PCCB: variants seen among roughly 807,000 people sequenced by gnomAD.
PCCB encodes the protein propionyl-CoA carboxylase subunit beta, also known as propionyl-CoA carboxylase beta chain, mitochondrial.
A neutral mutation model predicts 60.7 loss-of-function variants in PCCB; 43 were observed. That is an observed-to-expected ratio of 0.71 (90% CI 0.55 to 0.91). The LOEUF (loss-of-function observed/expected upper bound fraction) is 0.91, where lower values mean the gene tolerates loss of function less well. Among genes scored for constraint, PCCB ranks in the 40% least tolerant of loss-of-function variants. The pLI is 0.00. For missense variants in PCCB, 766 were observed against 702.8 expected (o/e 1.09, Z -1.02); for synonymous variants, 276 against 255.9 (o/e 1.08, Z -0.75).
At position 136,328,864 on chromosome 3, in the gene PCCB, G is replaced by T. The variant is rs1208290368; in HGVS notation, c.1498+7G>T. 1.9e-6 allele frequency: 3 copies of T among 1,604,264 alleles called. No homozygotes were observed. Among genetic ancestry groups the T allele is most frequent in the Admixed American group, 1.7e-5 (1 of 60,000 alleles). ...TTCCCTGCAGCAGTGCGAGGTAGGG[G>T]ACTGTGGTGAAGAGGGCAGCTTTGT... is the stretch of plus-strand genomic sequence containing the variant. On this transcript the variant is annotated splice_region_variant and intron_variant, in intron 14 of 14. Coordinates refer to ENST00000251654, the MANE Select transcript of PCCB (RefSeq NM_000532.5).
intron 3 of PCCB, among the ~76,000 whole-genome samples, chr3:136,257,065 A>G (rs1941689764): frequency 6.6e-6 from 1 of 152,202 alleles, no homozygotes; most frequent in Non-Finnish European, 1.5e-5. Context: ...ATCAGGGTGC[A>G]TCAAGACAGA....
chr3:136,267,555 G>C (rs1384630048), intron 5 of PCCB, among the ~76,000 whole-genome samples: 2 of 152,022 alleles, frequency 1.3e-5, no homozygotes, highest in Non-Finnish European at 2.9e-5. Context: ...TGTAATCATG[G>C]CTCACTGCAG....
intron 3 of PCCB, among the ~76,000 whole-genome samples, chr3:136,257,468 G>A (rs1191104191): frequency 3.3e-5 from 5 of 152,170 alleles, no homozygotes; most frequent in Admixed American, 6.5e-5. Flanking sequence ...AGAACTATAA[G>A]ATAATACATT....
chr3:136,265,242 C>A (rs956843705), intron 5 of PCCB, among the ~76,000 whole-genome samples: 1 of 152,092 alleles, frequency 6.6e-6, no homozygotes, highest in Admixed American at 6.6e-5. Context: ...CCATAAAATC[C>A]ACCCATTGTG....
chr3:136,300,708 A>G (rs1934236238), intron 8 of PCCB, among the ~76,000 whole-genome samples: 1 of 152,100 alleles, frequency 6.6e-6, no homozygotes, highest in Non-Finnish European at 1.5e-5. Flanking sequence ...GTTCACTATA[A>G]TGTCCTTCAG....
intron 5 of PCCB, among the ~76,000 whole-genome samples, chr3:136,269,712 T>C (rs531351612): frequency 1.3e-5 from 2 of 152,014 alleles, no homozygotes; most frequent in Admixed American, 6.6e-5. Context: ...GGTGAAACCC[T>C]GTCTTTACTA....
intron 2 of PCCB, 66 bp downstream of exon 2, chr3:136,256,041 A>G (rs1018058565): frequency 3.7e-6 from 6 of 1,610,450 alleles, no homozygotes; most frequent in Non-Finnish European, 5.1e-6. Context: ...CCACTAGAAT[A>G]ATAATAAATC....
chr3:136,276,938 G>A (rs1314598265), intron 5 of PCCB, among the ~76,000 whole-genome samples: 1 of 152,192 alleles, frequency 6.6e-6, no homozygotes, highest in Non-Finnish European at 1.5e-5. Context: ...CTTCCCTTAG[G>A]AGTAAGAATT....
intron 10 of PCCB, among the ~76,000 whole-genome samples, chr3:136,321,031 G>C (rs536472701): frequency 6.6e-6 from 1 of 152,308 alleles, no homozygotes; most frequent in South Asian, 2.1e-4. Flanking sequence ...TCATGAAAGG[G>C]TGTTGGATTT....
chr3:136,305,469 C>A lies in PCCB; in HGVS notation c.966+4358C>A, dbSNP rs552958015. On this transcript the variant is annotated intron_variant, in intron 9 of 14. Coordinates refer to ENST00000251654, the MANE Select transcript of PCCB (RefSeq NM_000532.5). ...TGCTTTTTAAAAAAACTTCTTCTGG[C>A]CGGGCGTGGTGGCTCATGCCTGTAA... is the stretch of plus-strand genomic sequence containing the variant. Among the ~76,000 whole-genome samples the A allele has an allele frequency of 1.5e-3, 181 of 120,768 alleles. 23 individuals carry two copies. Among genetic ancestry groups the A allele is most frequent in the African/African-American group, 4.3e-3 (173 of 39,882 alleles). 79.2% of individuals were successfully genotyped at this position (120,768 alleles called of 152,430 possible). A position where few individuals can be genotyped will look rare whatever the true frequency, so the allele number is the denominator to read the frequency against.
At chr3:136,267,493 C>G (rs1210351602) in intron 5 of PCCB, among the ~76,000 whole-genome samples, 1 of 151,084 alleles carries the variant, frequency 6.6e-6, no homozygotes, top group South Asian at 2.1e-4. Flanking sequence ...CCTGTGGTGG[C>G]TTTTTTTTTG....
rs1331971700 is a variant in PCCB, at chr3:136,302,348, C to G, written c.966+1237C>G. ...AACAGACGCCAGAGTCAAAATAGTT[C>G]CATCAGACAGATTCTGCCAGGCAAT... On this transcript the variant is annotated intron_variant, in intron 9 of 14. Coordinates refer to ENST00000251654, the MANE Select transcript of PCCB (RefSeq NM_000532.5). Among the ~76,000 whole-genome samples, 2 of 121,294 alleles carry G rather than the reference C, an allele frequency of 1.6e-5. 1 individual carries two copies. The highest frequency in any genetic ancestry group is 3.7e-5 in the Non-Finnish European group (2 of 54,392). The allele number at this position is 121,294 out of a possible 152,430, so 79.6% of individuals were successfully genotyped here.
chr3:136,328,969 G>C (rs1011206245), intron 14 of PCCB, 112 bp downstream of exon 14: 1 of 832,312 alleles, frequency 1.2e-6, no homozygotes, highest in Non-Finnish European at 2.0e-6. Flanking sequence ...CTAATCTGTT[G>C]ACTAGTGAGG....
intron 4 of PCCB, 115 bp downstream of exon 4, chr3:136,260,650 G>T: frequency 1.2e-6 from 1 of 865,524 alleles, no homozygotes; most frequent in Non-Finnish European, 1.9e-6. Context: ...GCAGAGGTAT[G>T]CAAGATGTGC....
chr3:136,299,752 ATGTG>A lies in PCCB; in HGVS notation c.885-1272_885-1269del, dbSNP rs556403144. ...TATGCATGTGTATGTATAGGTATGC[ATGTG>A]TGTGTATGTATAGGTATGCATGTGT... On this transcript the variant is annotated intron_variant, in intron 8 of 14. Coordinates refer to ENST00000251654, the MANE Select transcript of PCCB (RefSeq NM_000532.5). 2.6e-4 allele frequency among the ~76,000 whole-genome samples: 39 copies of A among 148,796 alleles called. 4 individuals are homozygous for A. The East Asian group carries it at 3.6e-3, about 14-fold the overall frequency.
intron 10 of PCCB, among the ~76,000 whole-genome samples, chr3:136,320,596 A>C (rs1308355936): frequency 1.3e-5 from 2 of 152,186 alleles, no homozygotes; most frequent in African/African-American, 4.8e-5. Context: ...TTGTTTCAAA[A>C]TTTATATTGC....
chr3:136,296,953 C>A (rs1338309609), intron 7 of PCCB, among the ~76,000 whole-genome samples: 2 of 152,132 alleles, frequency 1.3e-5, no homozygotes, highest in Non-Finnish European at 2.9e-5. Flanking sequence ...GGCTTATATT[C>A]TAGTAGAGGA....
At chr3:136,298,177 A>C (rs577526699) in intron 8 of PCCB, 105 bp downstream of exon 8, 1 of 1,341,392 alleles carries the variant, frequency 7.5e-7, no homozygotes, top group African/African-American at 1.4e-5. Context: ...GTTGCAGCAG[A>C]GTGTGGTAGA....
In PCCB at chr3:136,327,499, C is replaced by A. The variant is rs1401822936; in HGVS notation, c.1300-135C>A. The A allele has an allele frequency of 7.8e-6, 6 of 767,672 alleles. No individual in the cohort carries two copies. The African/African-American group carries it at 1.0e-4, about 13-fold the overall frequency. The allele number at this position is 767,672 out of a possible 1,614,324, so 47.6% of individuals were successfully genotyped here. A position where few individuals can be genotyped will look rare whatever the true frequency, so the allele number is the denominator to read the frequency against. On this transcript the variant is annotated intron_variant, in intron 12 of 14. Transcript: ENST00000251654. ...TGAGCATTAACTTTGAAAGGTCTTA[C>A]AGACCGTGGGCCTTCAGGAGCCCAG...
Sources: allele counts gnomAD v4.1 joint callset (sites outside exome capture counted in the v4.1 genomes callset), GRCh38; gene constraint gnomAD v4.1.1; transcripts MANE v1.5; gene names NCBI Gene and HGNC (gene_info 2026-07-23, HGNC 2026-07-21).